Variants in VAT1L observed in about 807,000 individuals in gnomAD.
VAT1L encodes the protein vesicle amine transport 1 like.
Under a neutral mutation model 44.1 loss-of-function variants are expected in VAT1L, and 34 were observed. The ratio of observed to expected loss-of-function variants is 0.77; its 90% CI spans 0.59 to 1.03. The LOEUF (loss-of-function observed/expected upper bound fraction) is 1.03. VAT1L is among the 50% of genes least tolerant of loss of function. The pLI is 0.00. For synonymous variants in VAT1L, 253 were observed against 202.2 expected (o/e 1.25, Z -2.13); for missense variants, 615 against 538.8 (o/e 1.14, Z -1.40).
At chr16:77,846,383 G>C (rs186022437) in intron 3 of VAT1L, among the ~76,000 whole-genome samples, 5 of 152,090 alleles carry the variant, frequency 3.3e-5, no homozygotes, top group Non-Finnish European at 7.4e-5. Context: ...ATTTTCTTTA[G>C]AATTTTACTG....
Position 77,841,855 on chromosome 16 carries a change from C to T in VAT1L, c.579+16394C>T, listed in dbSNP as rs74251642. Among the ~76,000 whole-genome samples, 4 of 152,176 alleles carry T rather than the reference C, an allele frequency of 2.6e-5. No individual in the cohort carries two copies. The East Asian group carries it at 7.7e-4, about 29-fold the overall frequency. ...ACTTAGTGGTGTCTAAGCCTTTATC[C>T]ATCAGGAGAAGCTACCAAGGGCTTT... On this transcript the variant is annotated intron_variant, in intron 3 of 8. Coordinates refer to ENST00000302536, the MANE Select transcript of VAT1L (RefSeq NM_020927.3).
At chr16:77,963,613 C>T (rs424317) in intron 7 of VAT1L, among the ~76,000 whole-genome samples, 148,688 of 151,856 alleles carry the variant, frequency 0.98, 72,868 homozygotes, top group Middle Eastern at 1. Flanking sequence ...ACCTTCACTT[C>T]GTAGAAAATA....
chr16:77,819,733 A>G (rs1196419418), intron 2 of VAT1L, among the ~76,000 whole-genome samples: 2 of 152,162 alleles, frequency 1.3e-5, no homozygotes, highest in Non-Finnish European at 2.9e-5. Context: ...CCTTCCGGGG[A>G]TTGGGACACT....
At chr16:77,796,307 C>T (rs1207261927) in intron 1 of VAT1L, among the ~76,000 whole-genome samples, 1 of 152,180 alleles carries the variant, frequency 6.6e-6, no homozygotes, top group African/African-American at 2.4e-5. Context: ...CTGATTATTG[C>T]ACCCACCCTA....
At chr16:77,932,279 T>C (rs2017740448) in intron 7 of VAT1L, among the ~76,000 whole-genome samples, 1 of 151,954 alleles carries the variant, frequency 6.6e-6, no homozygotes, top group Non-Finnish European at 1.5e-5. Flanking sequence ...AATTTTTTTG[T>C]ATTTTTTAGT....
intron 7 of VAT1L, among the ~76,000 whole-genome samples, chr16:77,931,723 AGGCAGGG>A (rs367571841): frequency 9.2e-5 from 14 of 152,406 alleles, no homozygotes; most frequent in African/African-American, 3.4e-4. Flanking sequence ...ATAAGCCCCT[AGGCAGGG>A]GGCAATATGA....
intron 7 of VAT1L, among the ~76,000 whole-genome samples, chr16:77,957,940 C>T (rs919896202): frequency 1.1e-4 from 17 of 151,932 alleles, no homozygotes; most frequent in Non-Finnish European, 2.5e-4. Flanking sequence ...CAGGGGCTTG[C>T]TCTGTCACCC....
At chr16:77,822,525 G>A (rs1054712758) in intron 2 of VAT1L, among the ~76,000 whole-genome samples, 12 of 152,152 alleles carry the variant, frequency 7.9e-5, no homozygotes, top group African/African-American at 2.9e-4. Flanking sequence ...GGTCATTTAG[G>A]GGCTTGGAGG....
chr16:77,922,651 G>T (rs2017624771), intron 7 of VAT1L, among the ~76,000 whole-genome samples: 1 of 152,184 alleles, frequency 6.6e-6, no homozygotes, highest in Non-Finnish European at 1.5e-5. Flanking sequence ...GGAGAGGACG[G>T]TATTAAAGTG....
intron 3 of VAT1L, among the ~76,000 whole-genome samples, chr16:77,834,112 G>A (rs1208875454): frequency 6.6e-6 from 1 of 152,134 alleles, no homozygotes; most frequent in East Asian, 1.9e-4. Context: ...AATCCACAGC[G>A]GCTCCCATTG....
chr16:77,925,146 G>A (rs567085135), intron 7 of VAT1L, among the ~76,000 whole-genome samples: 2 of 152,058 alleles, frequency 1.3e-5, no homozygotes, highest in African/African-American at 4.8e-5. Context: ...TTACTGCCAG[G>A]GCACACTAGG....
intron 3 of VAT1L, among the ~76,000 whole-genome samples, chr16:77,855,875 G>A (rs1020724308): frequency 1.3e-5 from 2 of 152,186 alleles, no homozygotes; most frequent in South Asian, 2.1e-4. Flanking sequence ...AAAATTAGCC[G>A]GGCATGGTGG....
chr16:77,900,129 G>A (rs1489561841), intron 7 of VAT1L, among the ~76,000 whole-genome samples: 1 of 152,148 alleles, frequency 6.6e-6, no homozygotes, highest in African/African-American at 2.4e-5. Flanking sequence ...CACAGAGATA[G>A]GCAGGACAGG....
At chr16:77,826,626 C>G (rs903292860) in intron 3 of VAT1L, among the ~76,000 whole-genome samples, 9 of 152,178 alleles carry the variant, frequency 5.9e-5, no homozygotes, top group African/African-American at 2.2e-4. Flanking sequence ...GTCTGTGTCT[C>G]ATTGCCAGGC....
At chr16:77,917,497 G>T (rs1211794867) in intron 7 of VAT1L, among the ~76,000 whole-genome samples, 1 of 152,168 alleles carries the variant, frequency 6.6e-6, no homozygotes, top group African/African-American at 2.4e-5. Flanking sequence ...AATGATTCCT[G>T]TTCAACTTCA....
chr16:77,864,760 A>C (rs911053743), intron 4 of VAT1L, among the ~76,000 whole-genome samples: 9 of 152,124 alleles, frequency 5.9e-5, no homozygotes, highest in Non-Finnish European at 8.8e-5. Context: ...TGATGGTCTT[A>C]GTTTTCAGAT....
intron 7 of VAT1L, among the ~76,000 whole-genome samples, chr16:77,936,379 TCTC>T (rs929562383): frequency 5.9e-5 from 9 of 152,088 alleles, no homozygotes; most frequent in Admixed American, 1.3e-4. Context: ...GGAGCCTCAG[TCTC>T]CTCAAGTCAC....
chr16:77,907,455 C>G (rs150904520), intron 7 of VAT1L, among the ~76,000 whole-genome samples: 165 of 152,208 alleles, frequency 1.1e-3, no homozygotes, highest in African/African-American at 3.8e-3. Context: ...AATCAATATC[C>G]AGGCAGAACC....
chr16:77,879,317 C>T lies in VAT1L; in HGVS notation c.882+93C>T, dbSNP rs370177522. The T allele has an allele frequency of 1.0e-4, 140 of 1,373,020 alleles. 1 individual carries two copies. Among genetic ancestry groups the T allele is most frequent in the African/African-American group, 7.7e-4 (54 of 69,848 alleles). The allele number at this position is 1,373,020 out of a possible 1,614,324, so 85.1% of individuals were successfully genotyped here. A position where few individuals can be genotyped will look rare whatever the true frequency, so the allele number is the denominator to read the frequency against. ...TGTTTGTTTGTTTGTTTTGAGACAG[C>T]GTCTCGTTCTGTCACCAGGCTGGAG... On this transcript the variant is annotated intron_variant, in intron 6 of 8. Transcript: ENST00000302536. This position sits in a 1 kb window ranked among gnomAD's most constrained non-coding sequence, Gnocchi z 4.1.
Sources: gnomAD v4.1 joint callset for allele counts (sites outside exome capture counted in the v4.1 genomes callset) on GRCh38, gnomAD v4.1.1 for gene constraint, Gnocchi (gnomAD v3.1) non-coding constraint, MANE v1.5 for transcripts, NCBI Gene and HGNC (gene_info 2026-07-23, HGNC 2026-07-21) for gene names.